The following PPP2R2C variants were observed in gnomAD, a reference collection of about 807,000 sequenced individuals.
PPP2R2C encodes protein phosphatase 2, regulatory subunit B, gamma.
A neutral mutation model predicts 45.3 loss-of-function variants in PPP2R2C; 10 were observed. That is an observed-to-expected ratio of 0.22 (90% CI 0.14 to 0.37). The LOEUF (loss-of-function observed/expected upper bound fraction) is 0.37, where lower values mean the gene tolerates loss of function less well. Among genes scored for constraint, PPP2R2C ranks in the 10% least tolerant of loss-of-function variants. The probability of loss-of-function intolerance (pLI) is 1.00; values close to 1 mark genes in which losing one functional copy is unlikely to be tolerated. For synonymous variants in PPP2R2C, 257 were observed against 245.4 expected (o/e 1.05, Z -0.44); for missense variants, 308 against 619.7 (o/e 0.50, Z 5.34).
At chr4:6,455,519 C>A (rs1369967596) in intron 1 of PPP2R2C, among the ~76,000 whole-genome samples, 1 of 152,166 alleles carries the variant, frequency 6.6e-6, no homozygotes, top group African/African-American at 2.4e-5. Flanking sequence ...CTGGGCAGCT[C>A]CCAGCCTGCC....
upstream of PPP2R2C, among the ~76,000 whole-genome samples, chr4:6,475,815 A>G (rs1722123979): frequency 6.6e-6 from 1 of 152,228 alleles, no homozygotes; most frequent in Non-Finnish European, 1.5e-5. Flanking sequence ...GCACCGCACC[A>G]TGTCCCCTCA....
chr4:6,394,990 C>T (rs1161066173), intron 1 of PPP2R2C, among the ~76,000 whole-genome samples: 1 of 152,174 alleles, frequency 6.6e-6, no homozygotes, highest in Non-Finnish European at 1.5e-5. Flanking sequence ...GCCAGCAGCC[C>T]CCCTCCGCCC....
At chr4:6,358,164 G>T (rs1020015163) in intron 5 of PPP2R2C, among the ~76,000 whole-genome samples, 1 of 152,128 alleles carries the variant, frequency 6.6e-6, no homozygotes, top group East Asian at 1.9e-4. Flanking sequence ...CAGAACAGAG[G>T]CCTCAGAAAT....
intron 1 of PPP2R2C, among the ~76,000 whole-genome samples, chr4:6,454,180 G>A (rs1720889944): frequency 6.6e-6 from 1 of 152,182 alleles, no homozygotes; most frequent in Admixed American, 6.5e-5. Flanking sequence ...GGGGGTCTTG[G>A]CTCTGCCCAG....
At chr4:6,416,508 G>A (rs905188084) in intron 1 of PPP2R2C, among the ~76,000 whole-genome samples, 1 of 152,142 alleles carries the variant, frequency 6.6e-6, no homozygotes, top group African/African-American at 2.4e-5. Flanking sequence ...CTCCAGCACT[G>A]CCTACCCCAT....
At chr4:6,398,340 C>T (rs1029735668) in intron 1 of PPP2R2C, among the ~76,000 whole-genome samples, 10 of 151,836 alleles carry the variant, frequency 6.6e-5, no homozygotes, top group Non-Finnish European at 1.3e-4. Context: ...AGAAAATATT[C>T]GTAGTACATG....
At position 6,378,815 on chromosome 4, in the gene PPP2R2C, T is replaced by G. The variant is rs1194527847; in HGVS notation, c.169-243A>C. On this transcript the variant is annotated intron_variant, in intron 2 of 8. Transcript: ENST00000382599. This position sits in a 1 kb window ranked among gnomAD's most constrained non-coding sequence, Gnocchi z 5.2. ...ACACCCGAGCCGGCTAACTTGCTAA[T>G]GCGAATGTTCCCCAGCGCCTGCTAC... Among the ~76,000 whole-genome samples the G allele has an allele frequency of 6.6e-6, 1 of 152,012 alleles. No individual in the cohort carries two copies. Among genetic ancestry groups the G allele is most frequent in the Non-Finnish European group, 1.5e-5 (1 of 68,012 alleles).
chr4:6,421,825 T>A (rs4561985), intron 1 of PPP2R2C, among the ~76,000 whole-genome samples: 5 of 152,168 alleles, frequency 3.3e-5, no homozygotes, highest in Admixed American at 1.3e-4. Flanking sequence ...CAGAATGAAA[T>A]AAGATGTAAA....
intron 3 of PPP2R2C, among the ~76,000 whole-genome samples, chr4:6,377,659 C>T (rs1715437842): frequency 6.6e-6 from 1 of 151,860 alleles, no homozygotes; most frequent in Non-Finnish European, 1.5e-5. Context: ...ACTCTTGTCT[C>T]TCAAAAAAAG....
chr4:6,481,535 G>C (rs1368588473), intron 2 of PPP2R2C, among the ~76,000 whole-genome samples: 1 of 152,194 alleles, frequency 6.6e-6, no homozygotes, highest in Non-Finnish European at 1.5e-5. Context: ...CCATGTGGCA[G>C]TACTACCCTG....
At chr4:6,514,650 A>G (rs1021904527) in intron 2 of PPP2R2C, among the ~76,000 whole-genome samples, 1 of 152,204 alleles carries the variant, frequency 6.6e-6, no homozygotes, top group Admixed American at 6.5e-5. Context: ...GTGGGATAGA[A>G]ATTAGTGCAG....
At chr4:6,420,670 T>C (rs1213099284) in intron 1 of PPP2R2C, among the ~76,000 whole-genome samples, 1 of 152,136 alleles carries the variant, frequency 6.6e-6, no homozygotes, top group Non-Finnish European at 1.5e-5. Context: ...AATTATGGGC[T>C]TGGTCCTCCA....
intron 5 of PPP2R2C, among the ~76,000 whole-genome samples, chr4:6,369,589 T>C (rs1560487714): frequency 6.6e-6 from 1 of 152,174 alleles, no homozygotes; most frequent in South Asian, 2.1e-4. Flanking sequence ...TCGGGGCCCC[T>C]ACCCCAAGAG....
At chr4:6,400,676 C>T (rs1426002287) in intron 1 of PPP2R2C, among the ~76,000 whole-genome samples, 1 of 152,240 alleles carries the variant, frequency 6.6e-6, no homozygotes, top group African/African-American at 2.4e-5. Flanking sequence ...ATGTAAGCAA[C>T]ATTCCTTAGT....
rs1243535535 is a variant in PPP2R2C, at chr4:6,337,144, A to G, written c.791-3413T>C. Among the ~76,000 whole-genome samples, 130 of 79,156 alleles carry G rather than the reference A, an allele frequency of 1.6e-3. 10 individuals are homozygous for G. The highest frequency in any genetic ancestry group is 5.9e-3 in the African/African-American group (111 of 18,896). The allele number at this position is 79,156 out of a possible 152,430, so 51.9% of individuals were successfully genotyped here. ...TATATATATATATATATATATATAT[A>G]TATATATATATATATATTTGTAGTT... On this transcript the variant is annotated intron_variant, in intron 6 of 8. Transcript: ENST00000382599.
chr4:6,424,396 C>A (rs1475082252), intron 1 of PPP2R2C, among the ~76,000 whole-genome samples: 3 of 152,206 alleles, frequency 2.0e-5, no homozygotes, highest in Non-Finnish European at 4.4e-5. Flanking sequence ...GCAGATATGA[C>A]CTGGGGCCCC....
chr4:6,506,525 T>A (rs1254400148), intron 2 of PPP2R2C, among the ~76,000 whole-genome samples: 1 of 152,164 alleles, frequency 6.6e-6, no homozygotes, highest in Non-Finnish European at 1.5e-5. Flanking sequence ...CTCTGAGAAG[T>A]GACTTCAAAG....
At chr4:6,477,147 C>A (rs564318445), upstream of PPP2R2C, among the ~76,000 whole-genome samples, 4 of 152,192 alleles carry the variant, frequency 2.6e-5, no homozygotes, top group South Asian at 8.3e-4. Context: ...CCGAGCTACT[C>A]GGGATGCTGA....
rs61670349 is a variant in PPP2R2C, at chr4:6,393,990, G to A, written c.71-12896C>T. Among the ~76,000 whole-genome samples the A allele has an allele frequency of 7.2e-3, 1,102 of 152,338 alleles. 9 individuals carry two copies. Among genetic ancestry groups the A allele is most frequent in the African/African-American group, 0.025 (1,039 of 41,586 alleles). ...CAGCTGGCCTTGGGACAGGGTCAAG[G>A]TGAGGGAGACCGAGAGAAGATCACA... is the stretch of plus-strand genomic sequence containing the variant. On this transcript the variant is annotated intron_variant, in intron 1 of 8. Transcript: ENST00000382599.
Sources: gnomAD v4.1 joint callset for allele counts (sites outside exome capture counted in the v4.1 genomes callset) on GRCh38, gnomAD v4.1.1 for gene constraint, Gnocchi (gnomAD v3.1) non-coding constraint, MANE v1.5 for transcripts, NCBI Gene and HGNC (gene_info 2026-07-23, HGNC 2026-07-21) for gene names.